The following LOC400499 variants were observed in gnomAD, a reference collection of about 807,000 sequenced individuals.
chr16:11,411,508 G>C, the LOC400499 span, among the ~76,000 whole-genome samples: 2 of 152,226 alleles, frequency 1.3e-5, no homozygotes, highest in Admixed American at 6.5e-5. Flanking sequence ...CGGTGCCCTG[G>C]TTAGGGCTGG....
At chr16:11,524,808 C>T in the LOC400499 span, among the ~76,000 whole-genome samples, 2 of 148,188 alleles carry the variant, frequency 1.3e-5, no homozygotes, top group African/African-American at 4.9e-5. Context: ...GTTTCCCCTT[C>T]CTGCCAGCCA....
At chr16:11,412,507 G>A in the LOC400499 span, among the ~76,000 whole-genome samples, 3 of 152,192 alleles carry the variant, frequency 2.0e-5, no homozygotes, top group South Asian at 2.1e-4. Flanking sequence ...CCTGGCTGGT[G>A]GCCCCTGACT....
At chr16:11,380,676 A>G in the LOC400499 span, among the ~76,000 whole-genome samples, 1 of 150,878 alleles carries the variant, frequency 6.6e-6, no homozygotes, top group Admixed American at 6.6e-5. Context: ...CTGGTGTCCA[A>G]GAGGGGAATA....
the LOC400499 span, chr16:11,417,590 A>G: frequency 1.8e-5 from 7 of 396,674 alleles, no homozygotes; most frequent in South Asian, 1.3e-4. Context: ...GGCATGGAGG[A>G]AGCCAGCTCC....
chr16:11,398,270 C>T, the LOC400499 span: 3 of 1,177,144 alleles, frequency 2.5e-6, no homozygotes, highest in East Asian at 3.2e-5. Flanking sequence ...CTGCATTCTG[C>T]GGGCACCACC....
At chr16:11,376,086 G>A in the LOC400499 span, among the ~76,000 whole-genome samples, 1 of 152,166 alleles carries the variant, frequency 6.6e-6, no homozygotes, top group African/African-American at 2.4e-5. Context: ...TACATTGTGA[G>A]AGTGCTTTAT....
chr16:11,493,148 G>A, the LOC400499 span, among the ~76,000 whole-genome samples: 1 of 152,202 alleles, frequency 6.6e-6, no homozygotes, highest in Non-Finnish European at 1.5e-5. Context: ...TGAAGGGACT[G>A]TAACTTTGAC....
At chr16:11,403,476 C>T in the LOC400499 span, among the ~76,000 whole-genome samples, 12 of 151,734 alleles carry the variant, frequency 7.9e-5, no homozygotes, top group African/African-American at 2.9e-4. Flanking sequence ...CACACATGAG[C>T]ACACATACAC....
the LOC400499 span, among the ~76,000 whole-genome samples, chr16:11,428,421 G>A: frequency 6.6e-6 from 1 of 152,140 alleles, no homozygotes; most frequent in Non-Finnish European, 1.5e-5. Context: ...TGATCCACCT[G>A]CTTCAACCTC....
At chr16:11,507,215 G>A in the LOC400499 span, among the ~76,000 whole-genome samples, 1 of 152,214 alleles carries the variant, frequency 6.6e-6, no homozygotes, top group Middle Eastern at 3.2e-3. Context: ...TTAGAGCACA[G>A]GCCACAGAGC....
At chr16:11,462,238 C>T in the LOC400499 span, 1 of 1,533,290 alleles carries the variant, frequency 6.5e-7, no homozygotes, top group Non-Finnish European at 8.7e-7. Context: ...TCACCAGTTT[C>T]ACCTCCAGCT....
the LOC400499 span, among the ~76,000 whole-genome samples, chr16:11,480,699 G>A: frequency 1.3e-5 from 2 of 152,188 alleles, no homozygotes; most frequent in Non-Finnish European, 2.9e-5. Flanking sequence ...ACGCCCGACA[G>A]GTATAAATAC....
chr16:11,488,228 G>A, the LOC400499 span, among the ~76,000 whole-genome samples: 4 of 152,050 alleles, frequency 2.6e-5, no homozygotes, highest in South Asian at 8.3e-4. Flanking sequence ...TAATGGTAGT[G>A]ATAGACAATT....
chr16:11,515,374 T>A, the LOC400499 span, among the ~76,000 whole-genome samples: 2 of 151,986 alleles, frequency 1.3e-5, no homozygotes, highest in African/African-American at 4.8e-5. Flanking sequence ...GAGGATCGCT[T>A]GAGGCCAGGA....
the LOC400499 span, among the ~76,000 whole-genome samples, chr16:11,402,806 T>A: frequency 6.6e-6 from 1 of 151,942 alleles, no homozygotes; most frequent in Non-Finnish European, 1.5e-5. Context: ...TGCCGCTGAG[T>A]TTCGGAATAC....
the LOC400499 span, among the ~76,000 whole-genome samples, chr16:11,468,786 C>G: frequency 6.6e-6 from 1 of 152,230 alleles, no homozygotes; most frequent in Middle Eastern, 3.4e-3. Context: ...CGCCACCACA[C>G]CCAGCTAATT....
the LOC400499 span, chr16:11,425,258 C>A: frequency 2.5e-6 from 1 of 398,936 alleles, no homozygotes; most frequent in Non-Finnish European, 4.4e-6. Context: ...CCCTCAGGTT[C>A]CTCGTCTGGG....
At chr16:11,505,404 T>C in the LOC400499 span, among the ~76,000 whole-genome samples, 1 of 151,420 alleles carries the variant, frequency 6.6e-6, no homozygotes, top group Non-Finnish European at 1.5e-5. Context: ...CCTTTGTTTC[T>C]AATATAATTC....
the LOC400499 span, chr16:11,475,666 C>G: frequency 0.013 from 5,199 of 399,062 alleles, 41 homozygotes; most frequent in Non-Finnish European, 0.018. Flanking sequence ...GGGCCAGGGA[C>G]ATGTCTGAGG....
Sources: gnomAD v4.1 joint callset for allele counts (sites outside exome capture counted in the v4.1 genomes callset) on GRCh38, gnomAD v4.1.1 for gene constraint, MANE v1.5 for transcripts.